B3GAT2: variants seen among roughly 807,000 people sequenced by gnomAD.
The protein encoded by B3GAT2 is beta-1,3-glucuronyltransferase 2.
Under a neutral mutation model 27.8 loss-of-function variants are expected in B3GAT2, and 26 were observed. The ratio of observed to expected loss-of-function variants is 0.93; its 90% CI spans 0.68 to 1.30. The LOEUF (loss-of-function observed/expected upper bound fraction) is 1.30. Among genes scored for constraint, B3GAT2 ranks in the 50% most tolerant of loss-of-function variants. The pLI is 0.00. For missense variants in B3GAT2, 458 were observed against 459.0 expected, an observed-to-expected ratio of 1.00 and a Z score of 0.02; for synonymous variants, 218 against 195.1, an observed-to-expected ratio of 1.12 and a Z score of -0.98.
At chr6:70,873,182 G>A (rs780659452) in intron 2 of B3GAT2, among the ~76,000 whole-genome samples, 4 of 151,900 alleles carry the variant, frequency 2.6e-5, no homozygotes, top group South Asian at 2.1e-4. Context: ...TACAGTTCCC[G>A]TCTAGCATCC....
At chr6:70,949,934 C>A (rs1399645378) in intron 1 of B3GAT2, among the ~76,000 whole-genome samples, 2 of 151,944 alleles carry the variant, frequency 1.3e-5, no homozygotes, top group Admixed American at 6.6e-5. Flanking sequence ...AATCATCATT[C>A]TCAGTAAACT....
At position 70,860,995 on chromosome 6, in the gene B3GAT2, T is replaced by A. The variant is rs1266677813; in HGVS notation, c.*668A>T. 4 of 308,698 alleles carry A rather than the reference T, an allele frequency of 1.3e-5. No homozygotes were observed. The highest frequency in any genetic ancestry group is 1.8e-5 in the Non-Finnish European group (3 of 169,178). The allele number at this position is 308,698 out of a possible 1,614,324, so 19.1% of individuals were successfully genotyped here. On this transcript the variant is annotated 3_prime_UTR_variant, in exon 4 of 4. Coordinates refer to ENST00000230053, the MANE Select transcript of B3GAT2 (RefSeq NM_080742.3). The stretch of plus-strand genomic sequence containing the variant: ...CTTCTTAATGTACATAGTGCTAACA[T>A]GAAGACCTTTTTCTGCACTATATGC...
chr6:70,922,409 A>G (rs1772884756), intron 1 of B3GAT2, among the ~76,000 whole-genome samples: 1 of 152,174 alleles, frequency 6.6e-6, no homozygotes, highest in Non-Finnish European at 1.5e-5. Flanking sequence ...ATTTAAGTGT[A>G]CATGCAACAT....
intron 2 of B3GAT2, among the ~76,000 whole-genome samples, chr6:70,863,174 G>A (rs950779034): frequency 6.6e-5 from 10 of 152,098 alleles, no homozygotes; most frequent in South Asian, 4.1e-4. Context: ...TTGAAGCTCC[G>A]GGCACCAACC....
chr6:70,946,579 A>T (rs1487578891), intron 1 of B3GAT2, among the ~76,000 whole-genome samples: 1 of 152,178 alleles, frequency 6.6e-6, no homozygotes, highest in African/African-American at 2.4e-5. Context: ...AGATTCATAA[A>T]GCAAGTCCTG....
chr6:70,902,504 T>C (rs964822899), intron 1 of B3GAT2, among the ~76,000 whole-genome samples: 1 of 151,906 alleles, frequency 6.6e-6, no homozygotes, highest in African/African-American at 2.4e-5. Flanking sequence ...CCAAAGGATA[T>C]GAAATCAGTA....
chr6:70,956,431 G>A lies in B3GAT2; in HGVS notation c.-2C>T, dbSNP rs756209487. 1.9e-6 allele frequency: 3 copies of A among 1,551,010 alleles called. No homozygotes were observed. The highest frequency in any genetic ancestry group is 2.6e-6 in the Non-Finnish European group (3 of 1,146,838). On this transcript the variant is annotated 5_prime_UTR_variant, in exon 1 of 4. Transcript: ENST00000230053. ...GCGGGTGAAAAGCGCGGACTTCATG[G>A]TGCACGCTCCCTGGCCTCTCGGACA...
chr6:70,889,930 T>C (rs921848204), intron 2 of B3GAT2, among the ~76,000 whole-genome samples: 1 of 151,992 alleles, frequency 6.6e-6, no homozygotes, highest in Non-Finnish European at 1.5e-5. Flanking sequence ...TATAGGCATT[T>C]GCCACCACGC....
chr6:70,880,752 G>A (rs1349891500), intron 2 of B3GAT2, among the ~76,000 whole-genome samples: 2 of 151,476 alleles, frequency 1.3e-5, no homozygotes, highest in Non-Finnish European at 2.9e-5. Context: ...TGTAACCTCT[G>A]CCTCCCGGGT....
At chr6:70,888,006 G>C (rs998817912) in intron 2 of B3GAT2, among the ~76,000 whole-genome samples, 3 of 152,216 alleles carry the variant, frequency 2.0e-5, no homozygotes, top group African/African-American at 7.2e-5. Context: ...AGTAGCCCCT[G>C]AAGAGCTATG....
At chr6:70,946,775 T>C (rs1230100211) in intron 1 of B3GAT2, among the ~76,000 whole-genome samples, 2 of 151,686 alleles carry the variant, frequency 1.3e-5, no homozygotes, top group Non-Finnish European at 2.9e-5. Context: ...CAACAGAATA[T>C]ACATTTTTTT....
intron 1 of B3GAT2, among the ~76,000 whole-genome samples, chr6:70,916,070 T>C (rs1441780532): frequency 6.6e-6 from 1 of 152,176 alleles, no homozygotes. Context: ...TCCTCTTTTA[T>C]TTCATTGAGC....
intron 2 of B3GAT2, among the ~76,000 whole-genome samples, chr6:70,879,371 A>G (rs1308558975): frequency 6.6e-6 from 1 of 152,174 alleles, no homozygotes; most frequent in African/African-American, 2.4e-5. Context: ...ACCTGATGCT[A>G]GTCTGATTTT....
chr6:70,950,996 C>A (rs537158057), intron 1 of B3GAT2, among the ~76,000 whole-genome samples: 1 of 152,162 alleles, frequency 6.6e-6, no homozygotes, highest in African/African-American at 2.4e-5. Context: ...CTAAACCTAC[C>A]TATGCATCTA....
At chr6:70,885,115 C>T (rs1267017977) in intron 2 of B3GAT2, among the ~76,000 whole-genome samples, 1 of 152,198 alleles carries the variant, frequency 6.6e-6, no homozygotes, top group Non-Finnish European at 1.5e-5. Flanking sequence ...CTATTACCTA[C>T]AGATGCTCTC....
intron 2 of B3GAT2, among the ~76,000 whole-genome samples, chr6:70,879,163 A>C (rs1772060533): frequency 6.6e-6 from 1 of 151,668 alleles, no homozygotes; most frequent in Non-Finnish European, 1.5e-5. Context: ...ACTTTGGCTA[A>C]AGCGCTTTCC....
At chr6:70,900,845 C>T (rs541704481) in intron 1 of B3GAT2, among the ~76,000 whole-genome samples, 2 of 152,276 alleles carry the variant, frequency 1.3e-5, no homozygotes, top group South Asian at 2.1e-4. Context: ...ATAAAGTTAT[C>T]GATCTTCTGA....
chr6:70,951,814 C>G (rs2150053569), intron 1 of B3GAT2, among the ~76,000 whole-genome samples: 1 of 152,132 alleles, frequency 6.6e-6, no homozygotes, highest in African/African-American at 2.4e-5. Context: ...CTCTTAATAG[C>G]TTTCAGAGGG....
intron 2 of B3GAT2, among the ~76,000 whole-genome samples, chr6:70,883,526 T>A (rs1362458992): frequency 2.0e-5 from 3 of 150,610 alleles, no homozygotes; most frequent in African/African-American, 7.3e-5. Flanking sequence ...GTCTAATTAA[T>A]CGAGACAGAA....
Sources: gnomAD v4.1 joint callset for allele counts (sites outside exome capture counted in the v4.1 genomes callset) on GRCh38, gnomAD v4.1.1 for gene constraint, MANE v1.5 for transcripts, NCBI Gene and HGNC (gene_info 2026-07-23, HGNC 2026-07-21) for gene names.